The following MINDY3 variants were observed in gnomAD, a reference collection of about 807,000 sequenced individuals.
The protein encoded by MINDY3 is ubiquitin carboxyl-terminal hydrolase MINDY-3.
MINDY3 carries 38 observed loss-of-function variants against 69.2 expected under a neutral mutation model. That is an observed-to-expected ratio of 0.55 (90% confidence interval 0.42 to 0.72). MINDY3 has a LOEUF of 0.72. MINDY3 is among the 30% of genes least tolerant of loss of function. The probability of loss-of-function intolerance (pLI) is 0.00; values close to 1 mark genes in which losing one functional copy is unlikely to be tolerated. For synonymous variants in MINDY3, 192 were observed against 180.1 expected, an observed-to-expected ratio of 1.07 and a Z score of -0.53; for missense variants, 522 against 519.0, an observed-to-expected ratio of 1.01 and a Z score of -0.06.
intron 6 of MINDY3, 134 bp downstream of exon 6, chr10:15,837,070 C>T (rs2132071213): frequency 3.5e-6 from 2 of 567,368 alleles, no homozygotes; most frequent in Non-Finnish European, 6.2e-6. Flanking sequence ...CAGAAATTAA[C>T]TCATTTTCAA....
chr10:15,804,270 G>C (rs955572327), intron 10 of MINDY3, among the ~76,000 whole-genome samples: 1 of 151,934 alleles, frequency 6.6e-6, no homozygotes, highest in Non-Finnish European at 1.5e-5. Flanking sequence ...CTGTTAATGG[G>C]ACTATCTAAT....
intron 4 of MINDY3, among the ~76,000 whole-genome samples, chr10:15,840,798 C>T (rs1564519115): frequency 6.6e-6 from 1 of 151,682 alleles, no homozygotes; most frequent in Admixed American, 6.6e-5. Context: ...GGGTCAATTA[C>T]ATAACAATTT....
intron 10 of MINDY3, among the ~76,000 whole-genome samples, chr10:15,812,592 G>A (rs570507535): frequency 2.0e-5 from 3 of 152,150 alleles, no homozygotes; most frequent in South Asian, 2.1e-4. Context: ...CAGTTTCTAC[G>A]TGGTGCATCA....
chr10:15,860,153 C>T (rs905467717), intron 1 of MINDY3, 53 bp downstream of exon 1: 3 of 1,385,636 alleles, frequency 2.2e-6, no homozygotes, highest in Non-Finnish European at 3.0e-6. Context: ...CAGGCGGACT[C>T]TCGCAGGGCA....
intron 8 of MINDY3, among the ~76,000 whole-genome samples, chr10:15,823,806 T>C (rs760018868): frequency 6.6e-6 from 1 of 152,170 alleles, no homozygotes; most frequent in African/African-American, 2.4e-5. Flanking sequence ...CGCCTGCCAC[T>C]GACCCTTCCC....
At chr10:15,855,271 TAA>T (rs1834609345) in intron 1 of MINDY3, among the ~76,000 whole-genome samples, 1 of 151,994 alleles carries the variant, frequency 6.6e-6, no homozygotes, top group Non-Finnish European at 1.5e-5. Flanking sequence ...CAAAATGAAA[TAA>T]AGTCAGCTAA....
chr10:15,852,800 C>T (rs1044402211), intron 1 of MINDY3, among the ~76,000 whole-genome samples: 5 of 151,932 alleles, frequency 3.3e-5, no homozygotes, highest in Admixed American at 1.3e-4. Context: ...ATAGGTTTGG[C>T]GACCACAGAT....
intron 3 of MINDY3, 130 bp from the exon 4 acceptor site, chr10:15,841,729 A>C: frequency 1.9e-6 from 1 of 528,544 alleles, no homozygotes; most frequent in South Asian, 3.6e-5. Flanking sequence ...AAAATCTCTA[A>C]ATAGATTTTA....
At chr10:15,826,706 TAAG>T (rs1475094740) in intron 8 of MINDY3, among the ~76,000 whole-genome samples, 1 of 152,160 alleles carries the variant, frequency 6.6e-6, no homozygotes, top group East Asian at 1.9e-4. Flanking sequence ...AAGTTTTGCA[TAAG>T]AAGTCACAAA....
intron 14 of MINDY3, among the ~76,000 whole-genome samples, chr10:15,779,408 G>C (rs933487794): frequency 3.3e-5 from 5 of 151,998 alleles, no homozygotes; most frequent in African/African-American, 1.2e-4. Flanking sequence ...CACATAGATT[G>C]TTTCTAAGAA....
rs547750858 is a variant in MINDY3, at chr10:15,812,653, GAAGA to G, written c.882+4178_882+4181del. On this transcript the variant is annotated intron_variant, in intron 10 of 14. Transcript: ENST00000277632. The stretch of plus-strand genomic sequence containing the variant: ...CACTGCTCTTTGGAGGGAAATACAA[GAAGA>G]AAGTCATGTCAGAGAAGCTACAGCA... 1.5e-4 allele frequency among the ~76,000 whole-genome samples: 23 copies of G among 152,248 alleles called. No homozygotes were observed. In the South Asian group the frequency reaches 4.6e-3, roughly 30 times the overall value.
intron 10 of MINDY3, among the ~76,000 whole-genome samples, chr10:15,796,713 T>G (rs1837867422): frequency 6.6e-6 from 1 of 152,026 alleles, no homozygotes; most frequent in African/African-American, 2.4e-5. Context: ...AATTTTAATT[T>G]TTCTGAACTC....
At chr10:15,824,981 A>T (rs1347267954) in intron 8 of MINDY3, among the ~76,000 whole-genome samples, 1 of 152,204 alleles carries the variant, frequency 6.6e-6, no homozygotes, top group Non-Finnish European at 1.5e-5. Flanking sequence ...CACACTAGGA[A>T]AATTTACTTT....
Position 15,833,618 on chromosome 10 carries a change from G to C in MINDY3, c.730+12C>G. On this transcript the variant is annotated intron_variant, in intron 8 of 14. Coordinates refer to ENST00000277632, the MANE Select transcript of MINDY3 (RefSeq NM_024948.4). ...TCATCAAAGAGAGCAACATAACAAGGAATATACTTACTCATTCCTGAGCAC... is the reference window on the plus strand; with the variant it reads ...TCATCAAAGAGAGCAACATAACAAGCAATATACTTACTCATTCCTGAGCAC... 4.0e-6 allele frequency: 6 copies of C among 1,511,532 alleles called. No homozygotes were observed. The highest frequency in any genetic ancestry group is 5.5e-6 in the Non-Finnish European group (6 of 1,088,354). 93.6% of individuals were successfully genotyped at this position (1,511,532 alleles called of 1,614,324 possible). A position where few individuals can be genotyped will look rare whatever the true frequency, so the allele number is the denominator to read the frequency against.
At chr10:15,844,635 C>T (rs188395582) in intron 2 of MINDY3, among the ~76,000 whole-genome samples, 14 of 152,170 alleles carry the variant, frequency 9.2e-5, no homozygotes, top group African/African-American at 2.6e-4. Flanking sequence ...TTTTTAAATA[C>T]AACTTTTTCC....
chr10:15,838,337 A>G, intron 4 of MINDY3, 58 bp from the exon 5 acceptor site: 1 of 1,444,102 alleles, frequency 6.9e-7, no homozygotes, highest in Non-Finnish European at 9.3e-7. Flanking sequence ...CACAAGATAC[A>G]CACAGCAGGC....
chr10:15,812,027 C>T (rs767224599), intron 10 of MINDY3, among the ~76,000 whole-genome samples: 73 of 151,962 alleles, frequency 4.8e-4, no homozygotes, highest in Non-Finnish European at 9.1e-4. Flanking sequence ...CTGCAACCTC[C>T]GTCCCCTGGG....
chr10:15,781,408 T>C (rs1836517996), intron 14 of MINDY3, among the ~76,000 whole-genome samples: 2 of 148,746 alleles, frequency 1.3e-5, no homozygotes, highest in East Asian at 1.9e-4. Flanking sequence ...ATATTATATA[T>C]ATATATATAT....
chr10:15,812,737 T>C (rs781156535), intron 10 of MINDY3, among the ~76,000 whole-genome samples: 2 of 152,166 alleles, frequency 1.3e-5, no homozygotes, highest in Non-Finnish European at 2.9e-5. Context: ...ATCCCACTTA[T>C]TACGTGATGT....
Sources: allele counts gnomAD v4.1 joint callset (sites outside exome capture counted in the v4.1 genomes callset), GRCh38; gene constraint gnomAD v4.1.1; transcripts MANE v1.5; gene names NCBI Gene and HGNC (gene_info 2026-07-23, HGNC 2026-07-21).